The following CMSS1 variants were observed in gnomAD, a reference collection of about 807,000 sequenced individuals.
CMSS1 encodes cms1 ribosomal small subunit homolog, also known as protein CMSS1.
In CMSS1, 33 loss-of-function variants were observed where a neutral mutation model predicts 43.5. The observed-to-expected ratio is 0.76, with a 90% CI of 0.57 to 1.01. The LOEUF (loss-of-function observed/expected upper bound fraction) is 1.01. CMSS1 is among the 50% of genes least tolerant of loss of function. CMSS1 has a pLI of 0.00. For synonymous variants in CMSS1, 115 were observed against 117.2 expected, an observed-to-expected ratio of 0.98 and a Z score of 0.12; for missense variants, 313 against 326.4, an observed-to-expected ratio of 0.96 and a Z score of 0.32.
At chr3:100,097,009 ACT>A (rs1003036534) in intron 1 of CMSS1, among the ~76,000 whole-genome samples, 1 of 151,996 alleles carries the variant, frequency 6.6e-6, no homozygotes, top group Non-Finnish European at 1.5e-5. Flanking sequence ...AGATCATACC[ACT>A]CTGTGGCCTG....
At chr3:99,950,385 G>A (rs1708140306) in intron 1 of CMSS1, among the ~76,000 whole-genome samples, 3 of 152,110 alleles carry the variant, frequency 2.0e-5, no homozygotes, top group Non-Finnish European at 4.4e-5. Flanking sequence ...TATGGGTAGG[G>A]AAATCAGAAC....
At chr3:99,995,515 C>A (rs1357365300) in intron 1 of CMSS1, among the ~76,000 whole-genome samples, 2 of 152,298 alleles carry the variant, frequency 1.3e-5, no homozygotes, top group South Asian at 4.1e-4. Context: ...GATGGTGGCC[C>A]TCTTCTCACA....
chr3:99,866,111 G>A (rs1433804347), intron 1 of CMSS1, among the ~76,000 whole-genome samples: 2 of 151,320 alleles, frequency 1.3e-5, no homozygotes, highest in Non-Finnish European at 2.9e-5. Flanking sequence ...TTTGTAGAAA[G>A]CATGTATCCT....
At chr3:100,071,885 C>G (rs2065769730) in intron 1 of CMSS1, among the ~76,000 whole-genome samples, 1 of 152,162 alleles carries the variant, frequency 6.6e-6, no homozygotes, top group Admixed American at 6.5e-5. Context: ...ACCCATCAAC[C>G]AGGTGTCTTC....
chr3:99,902,244 A>G (rs575042306), intron 1 of CMSS1, among the ~76,000 whole-genome samples: 2 of 152,338 alleles, frequency 1.3e-5, no homozygotes, highest in East Asian at 1.9e-4. Context: ...ATTTGGGGGC[A>G]TGGTCTCTTG....
intron 1 of CMSS1, among the ~76,000 whole-genome samples, chr3:99,824,567 G>A (rs1029641772): frequency 1.3e-5 from 2 of 152,160 alleles, no homozygotes; most frequent in Admixed American, 6.5e-5. Flanking sequence ...TTAATATTTC[G>A]TAGTCACACC....
chr3:100,096,817 T>G (rs900691083), intron 1 of CMSS1, among the ~76,000 whole-genome samples: 3 of 152,212 alleles, frequency 2.0e-5, no homozygotes, highest in South Asian at 4.1e-4. Flanking sequence ...AATGGATACC[T>G]TATTTCCCAT....
chr3:99,905,630 C>G (rs1010885962), intron 1 of CMSS1, among the ~76,000 whole-genome samples: 3 of 152,184 alleles, frequency 2.0e-5, no homozygotes, highest in Admixed American at 2.0e-4. Flanking sequence ...ACTATATAGT[C>G]TCTATCCAGA....
chr3:100,008,903 G>A lies in CMSS1; in HGVS notation c.65-138070G>A, dbSNP rs28412784. Among the ~76,000 whole-genome samples the A allele has an allele frequency of 5.0e-3, 754 of 152,262 alleles. 5 individuals carry two copies. The highest frequency in any genetic ancestry group is 0.017 in the African/African-American group (709 of 41,532). On this transcript the variant is annotated intron_variant, in intron 1 of 9. Coordinates refer to ENST00000421999, the MANE Select transcript of CMSS1 (RefSeq NM_032359.4). Reference sequence around the variant, plus strand: ...TGGGATTAATTAATAATTACAAAGTGCCTACATAGTTCAGAAACTTGGAAC... The same window carrying A: ...TGGGATTAATTAATAATTACAAAGTACCTACATAGTTCAGAAACTTGGAAC...
rs911712715 is a variant in CMSS1, at chr3:99,931,899, A to G, written c.64+113856A>G. On this transcript the variant is annotated intron_variant, in intron 1 of 9. Transcript: ENST00000421999. ...GAGAGAAAATATCAGTTGAACTTATAATTGACTCTATGGCATATAAGCAGA... is the reference window on the plus strand; with the variant it reads ...GAGAGAAAATATCAGTTGAACTTATGATTGACTCTATGGCATATAAGCAGA... Among the ~76,000 whole-genome samples the G allele has an allele frequency of 3.3e-5, 5 of 152,318 alleles. 1 individual carries two copies. The East Asian group carries it at 7.7e-4, about 23-fold the overall frequency.
chr3:100,085,672 A>G (rs1004676468), intron 1 of CMSS1, among the ~76,000 whole-genome samples: 1 of 152,042 alleles, frequency 6.6e-6, no homozygotes, highest in African/African-American at 2.4e-5. Context: ...CTTTCCTCCA[A>G]CTGAAATGTT....
intron 1 of CMSS1, among the ~76,000 whole-genome samples, chr3:100,054,686 C>A (rs1191760094): frequency 1.3e-5 from 2 of 152,086 alleles, no homozygotes; most frequent in Non-Finnish European, 2.9e-5. Flanking sequence ...GAGGGCAGAT[C>A]ACTGATTTCC....
intron 1 of CMSS1, among the ~76,000 whole-genome samples, chr3:100,105,589 G>T (rs1302451457): frequency 1.3e-5 from 2 of 152,174 alleles, no homozygotes. Flanking sequence ...CCTTTAAGCA[G>T]AATTGATAAG....
At chr3:100,157,851 A>G (rs1211159726) in intron 2 of CMSS1, among the ~76,000 whole-genome samples, 2 of 152,202 alleles carry the variant, frequency 1.3e-5, no homozygotes, top group African/African-American at 4.8e-5. Flanking sequence ...ATCATTCTAA[A>G]TATAAACTTT....
At chr3:99,935,728 A>T (rs1220612200) in intron 1 of CMSS1, among the ~76,000 whole-genome samples, 1 of 152,198 alleles carries the variant, frequency 6.6e-6, no homozygotes, top group Non-Finnish European at 1.5e-5. Context: ...GTTGTCTTGT[A>T]TCTATGGATA....
intron 1 of CMSS1, among the ~76,000 whole-genome samples, chr3:99,838,492 C>T (rs1465855800): frequency 1.3e-5 from 2 of 152,154 alleles, no homozygotes; most frequent in Admixed American, 6.5e-5. Context: ...GAAAGCCCTG[C>T]ATATGTTTAG....
chr3:100,103,700 A>G (rs1255324238), intron 1 of CMSS1, among the ~76,000 whole-genome samples: 1 of 152,204 alleles, frequency 6.6e-6, no homozygotes, highest in Non-Finnish European at 1.5e-5. Flanking sequence ...TCCAGCAGCT[A>G]TTACAAACTG....
intron 1 of CMSS1, chr3:99,930,138 G>T: frequency 2.3e-6 from 2 of 864,762 alleles, no homozygotes; most frequent in South Asian, 1.8e-5. Context: ...AAATCTAAAT[G>T]AATCATATTT....
chr3:100,047,135 G>A (rs889969161), intron 1 of CMSS1, among the ~76,000 whole-genome samples: 1 of 152,090 alleles, frequency 6.6e-6, no homozygotes, highest in Non-Finnish European at 1.5e-5. Context: ...TGGTAAAATG[G>A]GTATAATACT....
Sources: gnomAD v4.1 joint callset for allele counts (sites outside exome capture counted in the v4.1 genomes callset) on GRCh38, gnomAD v4.1.1 for gene constraint, MANE v1.5 for transcripts, NCBI Gene and HGNC (gene_info 2026-07-23, HGNC 2026-07-21) for gene names.